GPC5: variants seen among roughly 807,000 people sequenced by gnomAD.
GPC5 encodes the protein glypican 5.
GPC5 carries 47 observed loss-of-function variants against 53.9 expected under a neutral mutation model. The observed-to-expected ratio is 0.87, with a 90% CI of 0.69 to 1.11. GPC5 has a LOEUF of 1.11. Ranked by LOEUF, GPC5 falls within the 50% of genes most tolerant of loss-of-function variation. GPC5 has a pLI of 0.00. For missense variants in GPC5, 748 were observed against 713.1 expected, an observed-to-expected ratio of 1.05 and a Z score of -0.56; for synonymous variants, 286 against 263.3, an observed-to-expected ratio of 1.09 and a Z score of -0.84.
At chr13:92,067,101 G>A (rs957843121) in intron 6 of GPC5, among the ~76,000 whole-genome samples, 18 of 151,980 alleles carry the variant, frequency 1.2e-4, no homozygotes, top group Non-Finnish European at 8.8e-5. Context: ...TGAGAACAAA[G>A]TCTTTCTTGT....
At chr13:91,593,872 T>G (rs1156863832) in intron 2 of GPC5, among the ~76,000 whole-genome samples, 2 of 151,592 alleles carry the variant, frequency 1.3e-5, no homozygotes, top group Non-Finnish European at 2.9e-5. Flanking sequence ...ATTTTCTTTC[T>G]GGCCATGATT....
intron 7 of GPC5, among the ~76,000 whole-genome samples, chr13:92,844,387 AG>A (rs1394187528): frequency 1.3e-5 from 2 of 152,184 alleles, no homozygotes; most frequent in Non-Finnish European, 2.9e-5. Context: ...GGAATAAACC[AG>A]GGTCTGCAAG....
intron 6 of GPC5, among the ~76,000 whole-genome samples, chr13:91,935,714 G>T (rs577408596): frequency 6.6e-6 from 1 of 152,134 alleles, no homozygotes; most frequent in South Asian, 2.1e-4. Flanking sequence ...CACAGCTAAT[G>T]CATGGGAGGA....
At chr13:92,412,923 G>A (rs1158512036) in intron 7 of GPC5, among the ~76,000 whole-genome samples, 2 of 152,096 alleles carry the variant, frequency 1.3e-5, no homozygotes, top group African/African-American at 2.4e-5. Context: ...TATAAAGATA[G>A]CCTGTCAAAT....
At chr13:92,341,208 TTTTCCTAA>T (rs2043363650) in intron 7 of GPC5, among the ~76,000 whole-genome samples, 1 of 152,098 alleles carries the variant, frequency 6.6e-6, no homozygotes, top group Non-Finnish European at 1.5e-5. Context: ...TTCCATAAAT[TTTTCCTAA>T]TAAAAAGGAC....
chr13:92,727,878 T>G (rs1433116003), intron 7 of GPC5, among the ~76,000 whole-genome samples: 4 of 151,408 alleles, frequency 2.6e-5, no homozygotes, highest in African/African-American at 9.7e-5. Flanking sequence ...TTCTACCTTC[T>G]CTAACAGTCA....
At chr13:92,026,991 C>T (rs2040806138) in intron 6 of GPC5, among the ~76,000 whole-genome samples, 1 of 152,122 alleles carries the variant, frequency 6.6e-6, no homozygotes, top group Admixed American at 6.6e-5. Flanking sequence ...AGTGCATAGC[C>T]TGCCACTATC....
intron 5 of GPC5, among the ~76,000 whole-genome samples, chr13:91,819,118 A>G (rs1177958394): frequency 6.8e-6 from 1 of 148,004 alleles, no homozygotes; most frequent in Non-Finnish European, 1.5e-5. Context: ...GACTTAACTG[A>G]GAATTATTTC....
chr13:92,091,219 AAAT>A (rs895726312), intron 6 of GPC5, among the ~76,000 whole-genome samples: 5 of 152,208 alleles, frequency 3.3e-5, no homozygotes, highest in African/African-American at 1.2e-4. Context: ...AAACTAATGC[AAAT>A]AATAATAATA....
intron 7 of GPC5, among the ~76,000 whole-genome samples, chr13:92,801,433 G>C (rs970030835): frequency 2.0e-5 from 3 of 151,628 alleles, no homozygotes; most frequent in African/African-American, 7.3e-5. Flanking sequence ...TCACATAAAA[G>C]TATAGCACAT....
At chr13:91,555,810 G>A (rs2030913504) in intron 2 of GPC5, among the ~76,000 whole-genome samples, 2 of 151,976 alleles carry the variant, frequency 1.3e-5, no homozygotes, top group South Asian at 4.1e-4. Context: ...CCAAATGAAA[G>A]GGGTCTCCCC....
intron 6 of GPC5, among the ~76,000 whole-genome samples, chr13:91,951,272 TATAA>T (rs961163134): frequency 1.3e-4 from 20 of 152,168 alleles, no homozygotes; most frequent in Non-Finnish European, 2.9e-5. Flanking sequence ...TCAGAGATGT[TATAA>T]ATAAACCATG....
At chr13:92,829,410 A>G (rs1877970881) in intron 7 of GPC5, among the ~76,000 whole-genome samples, 1 of 152,186 alleles carries the variant, frequency 6.6e-6, no homozygotes, top group Non-Finnish European at 1.5e-5. Flanking sequence ...CAGACTCACT[A>G]CAGAAATCAT....
intron 7 of GPC5, among the ~76,000 whole-genome samples, chr13:92,451,306 T>G (rs2139398684): frequency 6.6e-6 from 1 of 152,268 alleles, no homozygotes; most frequent in South Asian, 2.1e-4. Flanking sequence ...ACAAATCAGT[T>G]AACTGACTTG....
At chr13:91,775,388 A>G (rs1213079966) in intron 5 of GPC5, among the ~76,000 whole-genome samples, 1 of 152,084 alleles carries the variant, frequency 6.6e-6, no homozygotes, top group Admixed American at 6.5e-5. Flanking sequence ...GGTTTTTATA[A>G]CAGATTCCTA....
At chr13:92,296,715 T>A (rs1236716179) in intron 7 of GPC5, among the ~76,000 whole-genome samples, 1 of 152,128 alleles carries the variant, frequency 6.6e-6, no homozygotes, top group Non-Finnish European at 1.5e-5. Flanking sequence ...GCGGGCCAGC[T>A]GGAGTTCCGT....
At chr13:91,756,245 C>A in intron 4 of GPC5, 50 bp from the exon 5 acceptor site, 1 of 1,396,782 alleles carries the variant, frequency 7.2e-7, no homozygotes, top group South Asian at 1.8e-5. Context: ...TTTTGATGGC[C>A]TTTATTGTGG....
intron 7 of GPC5, among the ~76,000 whole-genome samples, chr13:92,271,129 A>T (rs1005710468): frequency 2.0e-5 from 3 of 152,130 alleles, no homozygotes; most frequent in African/African-American, 7.2e-5. Flanking sequence ...CTGGAGCTTC[A>T]CTGCTGTGAG....
chr13:92,830,433 C>G (rs910134200), intron 7 of GPC5, among the ~76,000 whole-genome samples: 1 of 152,124 alleles, frequency 6.6e-6, no homozygotes, highest in Non-Finnish European at 1.5e-5. Flanking sequence ...CCTCAGTCTT[C>G]ATTCTGAACT....
Sources: gnomAD v4.1 joint callset for allele counts (sites outside exome capture counted in the v4.1 genomes callset) on GRCh38, gnomAD v4.1.1 for gene constraint, MANE v1.5 for transcripts, NCBI Gene and HGNC (gene_info 2026-07-23, HGNC 2026-07-21) for gene names.